SH3PXD2B: variants seen among roughly 807,000 people sequenced by gnomAD.
SH3PXD2B encodes the protein SH3 and PX domain-containing protein 2B.
In SH3PXD2B, 37 loss-of-function variants were observed where a neutral mutation model predicts 73.1. The observed-to-expected ratio is 0.51, with a 90% CI of 0.39 to 0.67. SH3PXD2B has a LOEUF of 0.67. Among genes scored for constraint, SH3PXD2B ranks in the 30% least tolerant of loss-of-function variants. SH3PXD2B has a pLI of 0.00. For missense variants in SH3PXD2B, 1,053 were observed against 1,197.8 expected (o/e 0.88, Z 1.78); for synonymous variants, 457 against 480.5 (o/e 0.95, Z 0.64).
chr5:172,342,901 T>G (rs1361819384), intron 12 of SH3PXD2B, among the ~76,000 whole-genome samples: 1 of 152,216 alleles, frequency 6.6e-6, no homozygotes, highest in East Asian at 1.9e-4. Flanking sequence ...ACGCAAATGC[T>G]GGGCTCCTGG....
intron 6 of SH3PXD2B, among the ~76,000 whole-genome samples, chr5:172,369,340 A>G (rs946657347): frequency 2.0e-5 from 3 of 152,038 alleles, no homozygotes; most frequent in Non-Finnish European, 4.4e-5. Context: ...GTAGTGATAG[A>G]GACTGTATGT....
At chr5:172,372,424 C>T (rs528221700) in intron 6 of SH3PXD2B, among the ~76,000 whole-genome samples, 1 of 152,216 alleles carries the variant, frequency 6.6e-6, no homozygotes, top group South Asian at 2.1e-4. Flanking sequence ...GAGGCCTCCC[C>T]AGAAGCTGAG....
chr5:172,357,729 C>T (rs774622423), intron 8 of SH3PXD2B, among the ~76,000 whole-genome samples: 1 of 152,198 alleles, frequency 6.6e-6, no homozygotes, highest in Non-Finnish European at 1.5e-5. Context: ...GCGGGCCTCA[C>T]AAACACAGAG....
intron 12 of SH3PXD2B, among the ~76,000 whole-genome samples, chr5:172,328,062 G>A (rs1581251698): frequency 4.6e-5 from 1 of 21,700 alleles, no homozygotes; most frequent in South Asian, 7.9e-3. Context: ...GCTGTAACTG[G>A]CTAATTTTTG....
At chr5:172,378,330 G>A (rs974867596) in intron 5 of SH3PXD2B, among the ~76,000 whole-genome samples, 6 of 152,242 alleles carry the variant, frequency 3.9e-5, no homozygotes, top group Non-Finnish European at 8.8e-5. Context: ...AGGGCCGCCA[G>A]CGCGGGGCTT....
intron 6 of SH3PXD2B, among the ~76,000 whole-genome samples, chr5:172,365,970 G>A (rs1294745576): frequency 6.6e-6 from 1 of 152,146 alleles, no homozygotes; most frequent in African/African-American, 2.4e-5. Flanking sequence ...CAGGTGAGCT[G>A]GACCAGGTAA....
chr5:172,358,461 G>C (rs1039999793), intron 8 of SH3PXD2B, among the ~76,000 whole-genome samples: 1 of 152,230 alleles, frequency 6.6e-6, no homozygotes, highest in Non-Finnish European at 1.5e-5. Flanking sequence ...AGAATAATTC[G>C]AGGGAGGAAT....
rs1428041736 is a variant in SH3PXD2B at position 172,348,646 on chromosome 5, C to G, written c.1013-1314G>C. 9.4e-4 allele frequency among the ~76,000 whole-genome samples: 58 copies of G among 61,398 alleles called. No individual in the cohort carries two copies. The South Asian group carries it at 0.012, about 12-fold the overall frequency. The allele number at this position is 61,398 out of a possible 152,430, so 40.3% of individuals were successfully genotyped here. A position where few individuals can be genotyped will look rare whatever the true frequency, so the allele number is the denominator to read the frequency against. On this transcript the variant is annotated intron_variant, in intron 10 of 12. Transcript: ENST00000311601. ...TCTATGTATCTATCTATGTATCTAT[C>G]TATCTATCCTATCTATCTATCTATC...
chr5:172,447,059 T>C (rs188428280), intron 1 of SH3PXD2B, among the ~76,000 whole-genome samples: 1 of 152,338 alleles, frequency 6.6e-6, no homozygotes, highest in East Asian at 1.9e-4. Context: ...GATGTGGGGA[T>C]CTGGCTGGAG....
intron 4 of SH3PXD2B, among the ~76,000 whole-genome samples, chr5:172,386,862 A>G (rs555184838): frequency 6.6e-6 from 1 of 152,342 alleles, no homozygotes; most frequent in Non-Finnish European, 1.5e-5. Context: ...TGCTGGGCTC[A>G]AGCGATCCAC....
At chr5:172,441,425 G>A (rs550955241) in intron 1 of SH3PXD2B, among the ~76,000 whole-genome samples, 43 of 152,344 alleles carry the variant, frequency 2.8e-4, no homozygotes, top group African/African-American at 8.7e-4. Flanking sequence ...GTCAGTGGCC[G>A]TTGCCTTAGA....
At chr5:172,419,331 G>A (rs1483538103) in intron 2 of SH3PXD2B, among the ~76,000 whole-genome samples, 1 of 151,478 alleles carries the variant, frequency 6.6e-6, no homozygotes, top group African/African-American at 2.4e-5. Context: ...TTCCCACTCC[G>A]CTTCTCATTA....
chr5:172,432,257 C>T (rs1162948731), intron 1 of SH3PXD2B, among the ~76,000 whole-genome samples: 2 of 152,166 alleles, frequency 1.3e-5, no homozygotes, highest in African/African-American at 2.4e-5. Context: ...CACTGCAACT[C>T]GTGCCTGAAT....
In SH3PXD2B at chr5:172,339,798, A is replaced by G. The variant is rs777964124; in HGVS notation, c.1307T>C (p.Phe436Ser). 4 of 1,613,222 alleles carry G rather than the reference A, an allele frequency of 2.5e-6. No homozygotes were observed. The highest frequency in any genetic ancestry group is 3.4e-6 in the Non-Finnish European group (4 of 1,179,184). Residue 436 changes from phenylalanine to serine, a missense_variant, in exon 13 of 13, where the codon TTT becomes TCT. Transcript: ENST00000311601. The surrounding 1 kb of genome is among the most constrained non-coding windows in gnomAD (Gnocchi z 6.1). ...CACCTCGTGGGGCAGGGGAGCCAGA[A>G]AGTTGGGTCTCGACGCGTTGCTCGT... ...KKTSNASRPNFLAPLPHEVTQ... is the reference protein window; with the variant it reads ...KKTSNASRPNSLAPLPHEVTQ...
chr5:172,326,912 A>G (rs1756456164), intron 12 of SH3PXD2B, among the ~76,000 whole-genome samples: 1 of 149,730 alleles, frequency 6.7e-6, no homozygotes, highest in Non-Finnish European at 1.5e-5. Context: ...GCTGGTGTGA[A>G]GTGGCACGAT....
At position 172,445,244 on chromosome 5, in the gene SH3PXD2B, T is replaced by C. The variant is rs1759636659; in HGVS notation, c.75+9034A>G. On this transcript the variant is annotated intron_variant, in intron 1 of 12. Transcript: ENST00000311601. This position sits in a 1 kb window ranked among gnomAD's most constrained non-coding sequence, Gnocchi z 5.2. ...GCTTTGTCTATCCACATGTCATCTC[T>C]GTCGCCCAGGCTGGAGTGCAGTGGC... Among the ~76,000 whole-genome samples, 1 of 152,224 alleles carries C rather than the reference T, an allele frequency of 6.6e-6. No individual in the cohort carries two copies. The highest frequency in any genetic ancestry group is 2.4e-5 in the African/African-American group (1 of 41,476).
chr5:172,333,794 G>A lies in SH3PXD2B; in HGVS notation c.*4575C>T. 7.8e-7 allele frequency: 1 copy of A among 1,289,054 alleles called. No individual in the cohort carries two copies. Among genetic ancestry groups the A allele is most frequent in the Non-Finnish European group, 1.0e-6 (1 of 988,690 alleles). 79.9% of individuals were successfully genotyped at this position (1,289,054 alleles called of 1,614,324 possible). ...CCTGGAGGGAGGTAAGAAATGGCCT[G>A]TTACTTGGAAGCTCCCCAAAGCAGG... is the stretch of plus-strand genomic sequence containing the variant. On this transcript the variant is annotated 3_prime_UTR_variant, in exon 13 of 13. Transcript: ENST00000311601.
At position 172,336,467 on chromosome 5, in the gene SH3PXD2B, G is replaced by T; in HGVS notation, c.*1902C>A. 1.0e-6 allele frequency: 1 copy of T among 986,050 alleles called. No individual in the cohort carries two copies. The highest frequency in any genetic ancestry group is 1.2e-6 in the Non-Finnish European group (1 of 830,052). 61.1% of individuals were successfully genotyped at this position (986,050 alleles called of 1,614,324 possible). A position where few individuals can be genotyped will look rare whatever the true frequency, so the allele number is the denominator to read the frequency against. On this transcript the variant is annotated 3_prime_UTR_variant, in exon 13 of 13. Coordinates refer to ENST00000311601, the MANE Select transcript of SH3PXD2B (RefSeq NM_001017995.3). ...GGGATTTGCAGGCCGACTGGACGAA[G>T]GCACTAAAGATGCTACAGGTGATCA...
Position 172,338,791 on chromosome 5 carries a change from A to G in SH3PXD2B, c.2314T>C (p.Ser772Pro), listed in dbSNP as rs1756767686. ...PPPPKKTSSS[S>P]RPLPEVRGPQ... is the part of the protein sequence containing the mutation. ...CCTCTGACCTCTGGGAGCGGCCTGG[A>G]TGACGAAGAGGTTTTCTTTGGGGGA... The change falls in exon 13 of 13, where the codon TCC becomes CCC. Residue 772 changes from serine to proline, a missense_variant. By Grantham distance (74) the Ser-to-Pro change is moderately conservative. Around this residue, in one of 2 missense-constraint regions of SH3PXD2B, gnomAD observed 587 missense variants for 590.7 expected, o/e 0.99. Coordinates refer to ENST00000311601, the MANE Select transcript of SH3PXD2B (RefSeq NM_001017995.3). The surrounding 1 kb of genome is among the most constrained non-coding windows in gnomAD (Gnocchi z 5.1). 6.2e-7 allele frequency: 1 copy of G among 1,614,126 alleles called. No individual in the cohort carries two copies. Among genetic ancestry groups the G allele is most frequent in the Non-Finnish European group, 8.5e-7 (1 of 1,180,014 alleles).
Sources: gnomAD v4.1 joint callset for allele counts (sites outside exome capture counted in the v4.1 genomes callset) on GRCh38, gnomAD v4.1.1 for gene constraint, gnomAD v4.1.1 regional missense constraint, Gnocchi (gnomAD v3.1) non-coding constraint, MANE v1.5 for transcripts, NCBI Gene and HGNC (gene_info 2026-07-23, HGNC 2026-07-21) for gene names.